DNM2: variants seen among roughly 807,000 people sequenced by gnomAD.
The protein encoded by DNM2 is dynamin 2, also known as dynamin-2.
A neutral mutation model predicts 99.0 loss-of-function variants in DNM2; 15 were observed. The observed-to-expected ratio is 0.15, with a 90% CI of 0.10 to 0.23. The LOEUF is 0.23. Ranked by LOEUF, DNM2 falls within the 10% of genes least tolerant of loss-of-function variation. The pLI, the probability that DNM2 is intolerant of heterozygous loss-of-function variation, is 1.00. For missense variants in DNM2, 742 were observed against 1,189.4 expected (o/e 0.62, Z 5.53); for synonymous variants, 525 against 481.2 (o/e 1.09, Z -1.19).
At chr19:10,735,021 G>T (rs1226023421) in intron 1 of DNM2, among the ~76,000 whole-genome samples, 1 of 151,560 alleles carries the variant, frequency 6.6e-6, no homozygotes, top group Non-Finnish European at 1.5e-5. Flanking sequence ...TCTCTTCTGT[G>T]AATCTTTTTT....
intron 1 of DNM2, among the ~76,000 whole-genome samples, chr19:10,757,943 C>CAAAAAAAAA (rs762600168): frequency 3.5e-4 from 23 of 65,392 alleles, no homozygotes; most frequent in African/African-American, 5.8e-4. Context: ...AGCTCTGTCT[C>CAAAAAAAAA]AAAAAAAAAA....
chr19:10,829,091 A>T lies in DNM2; in HGVS notation c.2114A>T (p.Gln705Leu). The change falls in exon 19 of 21, where the codon CAG (glutamine) becomes CTG (leucine). Residue 705 changes from glutamine (Q) to leucine (L), a missense_variant. By Grantham distance (113) the Gln-to-Leu change is moderately radical. Coordinates refer to ENST00000389253, the MANE Select transcript of DNM2 (RefSeq NM_001005361.3). ...GCCTACCTATACTCCTCGGCAGACC[A>T]GAGCAGCCTCATGGAGGAGTCGGCT... ...LLAYLYSSADQSSLMEESADQ... is the reference protein window; with the variant it reads ...LLAYLYSSADLSSLMEESADQ... 6.2e-7 allele frequency: 1 copy of T among 1,614,000 alleles called. No individual in the cohort carries two copies. Among genetic ancestry groups the T allele is most frequent in the Non-Finnish European group, 8.5e-7 (1 of 1,180,000 alleles).
Position 10,825,242 on chromosome 19 carries a change from GAGA to G in DNM2, c.2058+24_2058+26del, listed in dbSNP as rs1555716154. The G allele has an allele frequency of 2.5e-6, 4 of 1,613,304 alleles. No homozygotes were observed. In the African/African-American group the frequency reaches 4.0e-5, roughly 16 times the overall value. On this transcript the variant is annotated intron_variant, in intron 18 of 20. Transcript: ENST00000389253. ...ACAATGTGAGTGGAGAACTAAAAAT[GAGA>G]AGGAGGTAGCTGGGTGCGGTGGCTC...
chr19:10,722,653 T>C (rs1211362602), intron 1 of DNM2, among the ~76,000 whole-genome samples: 2 of 151,824 alleles, frequency 1.3e-5, no homozygotes, highest in African/African-American at 4.8e-5. Context: ...TGAGATAGGG[T>C]CTTATACTGT....
intron 12 of DNM2, 79 bp from the exon 13 acceptor site, chr19:10,805,837 G>C: frequency 6.3e-7 from 1 of 1,592,318 alleles, no homozygotes; most frequent in Non-Finnish European, 8.6e-7. Flanking sequence ...CCCAGGGAGA[G>C]AACGGCCACA....
rs148900299 is a variant in DNM2, at chr19:10,777,173, C to T, written c.645C>T (p.Asp215=). 84 of 1,614,180 alleles carry T rather than the reference C, an allele frequency of 5.2e-5. No individual in the cohort carries two copies. The African/African-American group carries it at 7.9e-4, about 15-fold the overall frequency. ...TKLDLMDEGT[D]ARDVLENKLL... ...TTGACCTGATGGACGAGGGCACCGACGCCAGGGACGTCTTGGAGAACAAGT... is the reference window on the plus strand; with the variant it reads ...TTGACCTGATGGACGAGGGCACCGATGCCAGGGACGTCTTGGAGAACAAGT... Residue 215 remains aspartate, a synonymous_variant, in exon 5 of 21, where the codon GAC becomes GAT. Coordinates refer to ENST00000389253, the MANE Select transcript of DNM2 (RefSeq NM_001005361.3).
At chr19:10,782,510 C>T (rs892656932) in intron 5 of DNM2, among the ~76,000 whole-genome samples, 1 of 152,118 alleles carries the variant, frequency 6.6e-6, no homozygotes, top group Non-Finnish European at 1.5e-5. Context: ...AGTCACGCGC[C>T]ACCATGCACG....
chr19:10,764,384 G>A lies in DNM2; in HGVS notation c.235+4573G>A, dbSNP rs943050773. Among the ~76,000 whole-genome samples, 2 of 152,308 alleles carry A rather than the reference G, an allele frequency of 1.3e-5. No homozygotes were observed. The highest frequency in any genetic ancestry group is 2.4e-5 in the African/African-American group (1 of 41,554). On this transcript the variant is annotated intron_variant, in intron 2 of 20. Coordinates refer to ENST00000389253, the MANE Select transcript of DNM2 (RefSeq NM_001005361.3). The surrounding 1 kb of genome is among the most constrained non-coding windows in gnomAD (Gnocchi z 4.1). ...CGTTCCCCTCTGGTTCCCGCAGCTT[G>A]CCCTCATTCCAGCCATCCCCAGTGA...
At chr19:10,798,791 G>A (rs532939706) in intron 11 of DNM2, among the ~76,000 whole-genome samples, 3 of 150,180 alleles carry the variant, frequency 2.0e-5, no homozygotes, top group African/African-American at 4.9e-5. Context: ...GAGCGGTTCC[G>A]TCACCTCCTA....
chr19:10,754,654 A>G (rs1473247877), intron 1 of DNM2, among the ~76,000 whole-genome samples: 2 of 151,834 alleles, frequency 1.3e-5, no homozygotes, highest in Admixed American at 6.6e-5. Context: ...CAACGGCGCA[A>G]TCATGGCTCA....
At chr19:10,757,051 C>A (rs1446153252) in intron 1 of DNM2, among the ~76,000 whole-genome samples, 1 of 152,180 alleles carries the variant, frequency 6.6e-6, no homozygotes, top group East Asian at 1.9e-4. Flanking sequence ...GGTGGCATTG[C>A]TCTAACAGTG....
chr19:10,718,667 C>T, intron 1 of DNM2: 1 of 332,198 alleles, frequency 3.0e-6, no homozygotes, highest in Non-Finnish European at 5.2e-6. Flanking sequence ...ACCCTGCGGT[C>T]CATCTGGTCC....
chr19:10,785,344 G>T (rs1328217883), intron 6 of DNM2, among the ~76,000 whole-genome samples: 1 of 151,502 alleles, frequency 6.6e-6, no homozygotes, highest in African/African-American at 2.4e-5. Context: ...AGCTGGGATG[G>T]TCTTGATCTC....
chr19:10,801,828 C>T (rs1163591701), intron 11 of DNM2, among the ~76,000 whole-genome samples: 3 of 151,016 alleles, frequency 2.0e-5, no homozygotes, highest in Admixed American at 6.6e-5. Flanking sequence ...TCGCTTGAAC[C>T]CAGGAGGCAG....
intron 3 of DNM2, among the ~76,000 whole-genome samples, chr19:10,773,980 G>C (rs1201433316): frequency 6.6e-6 from 1 of 152,162 alleles, no homozygotes; most frequent in Non-Finnish European, 1.5e-5. Flanking sequence ...CTGGCCCAGA[G>C]GCACAGATTG....
chr19:10,736,079 A>G (rs768521950), intron 1 of DNM2, among the ~76,000 whole-genome samples: 1 of 152,106 alleles, frequency 6.6e-6, no homozygotes, highest in African/African-American at 2.4e-5. Context: ...CCTGGCCAAC[A>G]TGGTGAAACT....
rs186120007 is a variant in DNM2, at chr19:10,760,815, C to T, written c.235+1004C>T. Among the ~76,000 whole-genome samples the T allele has an allele frequency of 6.3e-3, 117 of 18,462 alleles. 1 individual carries two copies. In the East Asian group the frequency reaches 0.2, roughly 31 times the overall value. 12.1% of individuals were successfully genotyped at this position (18,462 alleles called of 152,430 possible). A position where few individuals can be genotyped will look rare whatever the true frequency, so the allele number is the denominator to read the frequency against. ...CTAGGATTACAGGTGCACACACCACCACACCCAGCTGATTTTTTTTTTTTT... is the reference window on the plus strand; with the variant it reads ...CTAGGATTACAGGTGCACACACCACTACACCCAGCTGATTTTTTTTTTTTT... On this transcript the variant is annotated intron_variant, in intron 2 of 20. Coordinates refer to ENST00000389253, the MANE Select transcript of DNM2 (RefSeq NM_001005361.3).
In DNM2 at chr19:10,795,289, G is replaced by A. The variant is rs554054903; in HGVS notation, c.1129-83G>A. On this transcript the variant is annotated intron_variant, in intron 8 of 20. Coordinates refer to ENST00000389253, the MANE Select transcript of DNM2 (RefSeq NM_001005361.3). The surrounding 1 kb of genome is among the most constrained non-coding windows in gnomAD (Gnocchi z 4.2). ...TGCCTTGTGAATATAGCCACACGTG[G>A]GAGAGAACGTTCCCCAGATGCACGC... 115 of 1,284,696 alleles carry A rather than the reference G, an allele frequency of 9.0e-5. No individual in the cohort carries two copies. In the Middle Eastern group the frequency reaches 9.3e-4, roughly 10 times the overall value. 79.6% of individuals were successfully genotyped at this position (1,284,696 alleles called of 1,614,324 possible). A position where few individuals can be genotyped will look rare whatever the true frequency, so the allele number is the denominator to read the frequency against.
chr19:10,736,148 C>G (rs900158362), intron 1 of DNM2, among the ~76,000 whole-genome samples: 9 of 151,746 alleles, frequency 5.9e-5, no homozygotes, highest in Non-Finnish European at 1.2e-4. Flanking sequence ...GCCTGTAATC[C>G]CAGCTAATTG....
Sources: gnomAD v4.1 joint callset for allele counts (sites outside exome capture counted in the v4.1 genomes callset) on GRCh38, gnomAD v4.1.1 for gene constraint, Gnocchi (gnomAD v3.1) non-coding constraint, MANE v1.5 for transcripts, NCBI Gene and HGNC (gene_info 2026-07-23, HGNC 2026-07-21) for gene names.